Variants in MCPH1 observed in about 807,000 individuals in gnomAD.
MCPH1 encodes the protein microcephalin.
MCPH1 carries 104 observed loss-of-function variants against 84.5 expected under a neutral mutation model. That is an observed-to-expected ratio of 1.23 (90% CI 1.05 to 1.45). The LOEUF (loss-of-function observed/expected upper bound fraction) is 1.45, where lower values mean the gene tolerates loss of function less well. Among genes scored for constraint, MCPH1 ranks in the 40% most tolerant of loss-of-function variants. The probability of loss-of-function intolerance (pLI) is 0.00; values close to 1 mark genes in which losing one functional copy is unlikely to be tolerated. For missense variants in MCPH1, 1,498 were observed against 1,005.7 expected (o/e 1.49, Z -6.62); for synonymous variants, 514 against 366.8 (o/e 1.40, Z -4.58).
chr8:6,438,239 A>G (rs1489794494), intron 5 of MCPH1, among the ~76,000 whole-genome samples: 3 of 152,246 alleles, frequency 2.0e-5, no homozygotes, highest in African/African-American at 4.8e-5. Flanking sequence ...ATGTATCGTA[A>G]TTAAAAACTA....
chr8:6,481,572 C>T (rs1050828438), intron 11 of MCPH1, among the ~76,000 whole-genome samples: 1 of 152,148 alleles, frequency 6.6e-6, no homozygotes, highest in Non-Finnish European at 1.5e-5. Flanking sequence ...CCCTCCTCCT[C>T]TCCCAAGAAT....
chr8:6,607,952 G>T (rs78669375), intron 12 of MCPH1, among the ~76,000 whole-genome samples: 1 of 152,158 alleles, frequency 6.6e-6, no homozygotes, highest in Non-Finnish European at 1.5e-5. Flanking sequence ...ATCCATTCAC[G>T]CCCAAGAAGT....
At chr8:6,455,289 G>A (rs1389136224) in intron 9 of MCPH1, 37 bp downstream of exon 9, 3 of 1,339,054 alleles carry the variant, frequency 2.2e-6, no homozygotes, top group Non-Finnish European at 3.2e-6. Flanking sequence ...ACTTTCAAAT[G>A]CTGATACATC....
At chr8:6,544,753 G>C (rs774988374) in intron 12 of MCPH1, among the ~76,000 whole-genome samples, 7 of 152,174 alleles carry the variant, frequency 4.6e-5, no homozygotes, top group East Asian at 1.9e-4. Context: ...ACAGCATTTA[G>C]AGTTACACTT....
intron 5 of MCPH1, 90 bp downstream of exon 5, chr8:6,436,252 G>C (rs1006400237): frequency 9.7e-6 from 13 of 1,346,038 alleles, no homozygotes; most frequent in African/African-American, 1.5e-5. Context: ...CAGCATGAGA[G>C]AGCTGATGAA....
intron 3 of MCPH1, among the ~76,000 whole-genome samples, chr8:6,423,510 T>A (rs912177992): frequency 6.6e-6 from 1 of 152,194 alleles, no homozygotes; most frequent in African/African-American, 2.4e-5. Context: ...TTTTTGCCTG[T>A]ACATGCAGAT....
At position 6,406,712 on chromosome 8, in the gene MCPH1, C is replaced by T. The variant is rs1051804911; in HGVS notation, c.22+23C>T. 32 of 1,611,120 alleles carry T rather than the reference C, an allele frequency of 2.0e-5. 1 individual carries two copies. The highest frequency in any genetic ancestry group is 3.3e-5 in the South Asian group (3 of 90,736). ...AAGGTGAGGTACTTCCTGCTGCCTGCTCCAGCAGCGGGAGTTTGAGGACCG... is the reference window on the plus strand; with the variant it reads ...AAGGTGAGGTACTTCCTGCTGCCTGTTCCAGCAGCGGGAGTTTGAGGACCG... On this transcript the variant is annotated intron_variant, in intron 1 of 13. Transcript: ENST00000344683.
chr8:6,519,873 T>C, intron 12 of MCPH1: 1 of 1,613,968 alleles, frequency 6.2e-7, no homozygotes, highest in Non-Finnish European at 8.5e-7. Context: ...CCTTGATCTC[T>C]TCTGTAGAAT....
At chr8:6,640,121 CGTGTGT>C (rs760065871) in intron 13 of MCPH1, among the ~76,000 whole-genome samples, 5 of 122,154 alleles carry the variant, frequency 4.1e-5, no homozygotes, top group Non-Finnish European at 8.8e-5. Context: ...TGTGTGTGTG[CGTGTGT>C]GTGTGTGTTT....
intron 3 of MCPH1, among the ~76,000 whole-genome samples, chr8:6,421,673 T>A (rs1189476880): frequency 6.6e-6 from 1 of 152,240 alleles, no homozygotes; most frequent in Non-Finnish European, 1.5e-5. Context: ...AGTGGCTGCC[T>A]CTGTACTACA....
chr8:6,626,957 A>T lies in MCPH1; in HGVS notation c.2452+5266A>T, dbSNP rs533024364. On this transcript the variant is annotated intron_variant, in intron 13 of 13. Transcript: ENST00000344683. The stretch of plus-strand genomic sequence containing the variant: ...CATACATTTATGCTATTGTGGGAAC[A>T]TAATGTAATATTCTCAACAGCATTG... 2.7e-5 allele frequency: 27 copies of T among 984,956 alleles called. 1 individual carries two copies. In the African/African-American group the frequency reaches 3.3e-4, roughly 12 times the overall value. 61.0% of individuals were successfully genotyped at this position (984,956 alleles called of 1,614,324 possible).
intron 13 of MCPH1, chr8:6,627,063 C>A: frequency 2.0e-6 from 2 of 985,190 alleles, no homozygotes; most frequent in Non-Finnish European, 2.4e-6. Flanking sequence ...TGTCCCATGT[C>A]GATGTTTTCA....
intron 12 of MCPH1, among the ~76,000 whole-genome samples, chr8:6,608,221 C>T (rs544852005): frequency 1.3e-5 from 2 of 152,336 alleles, no homozygotes; most frequent in East Asian, 3.9e-4. Flanking sequence ...GAAAACAATG[C>T]CAGGCCTCAC....
At chr8:6,580,933 C>A (rs1827520682) in intron 12 of MCPH1, among the ~76,000 whole-genome samples, 2 of 152,146 alleles carry the variant, frequency 1.3e-5, no homozygotes, top group Admixed American at 1.3e-4. Flanking sequence ...TAGGTTCAAC[C>A]AATCGTGGAC....
At chr8:6,479,423 TA>T (rs1808904300) in intron 10 of MCPH1, among the ~76,000 whole-genome samples, 1 of 147,684 alleles carries the variant, frequency 6.8e-6, no homozygotes, top group Non-Finnish European at 1.5e-5. Context: ...TTTATTTATT[TA>T]TTTATTTATT....
rs188877144 is a variant in MCPH1, at chr8:6,621,237, G to T, written c.2215-217G>T. On this transcript the variant is annotated intron_variant, in intron 12 of 13. Transcript: ENST00000344683. The stretch of plus-strand genomic sequence containing the variant: ...TTTTTTTTTTCTAATTTGTTTCCTT[G>T]GAGTTTTACGCATGGCTACTTCAGA... 21 of 603,950 alleles carry T rather than the reference G, an allele frequency of 3.5e-5. No homozygotes were observed. In the East Asian group the frequency reaches 5.7e-4, roughly 17 times the overall value. The allele number at this position is 603,950 out of a possible 1,614,324, so 37.4% of individuals were successfully genotyped here. A position where few individuals can be genotyped will look rare whatever the true frequency, so the allele number is the denominator to read the frequency against.
rs1424560762 is a variant in MCPH1 at position 6,505,413 on chromosome 8, T to TTC, written c.2214+5485_2214+5486insCT. Among the ~76,000 whole-genome samples, 45 of 81,324 alleles carry TTC rather than the reference T, an allele frequency of 5.5e-4. 16 individuals carry two copies. Among genetic ancestry groups the TTC allele is most frequent in the African/African-American group, 2.0e-3 (42 of 21,458 alleles). The allele number at this position is 81,324 out of a possible 152,430, so 53.4% of individuals were successfully genotyped here. A position where few individuals can be genotyped will look rare whatever the true frequency, so the allele number is the denominator to read the frequency against. On this transcript the variant is annotated intron_variant, in intron 12 of 13. Coordinates refer to ENST00000344683, the MANE Select transcript of MCPH1 (RefSeq NM_024596.5). ...TATGTATATAGAATATATATATTCT[T>TTC]TATATACATAAAGAATATATATATT...
At chr8:6,575,475 A>C (rs935342085) in intron 12 of MCPH1, among the ~76,000 whole-genome samples, 3 of 152,208 alleles carry the variant, frequency 2.0e-5, no homozygotes, top group South Asian at 2.1e-4. Context: ...TGGTCAGTAA[A>C]AAGGTCCTAC....
intron 12 of MCPH1, among the ~76,000 whole-genome samples, chr8:6,527,922 A>C (rs1023922135): frequency 3.1e-4 from 27 of 88,506 alleles, no homozygotes; most frequent in Admixed American, 2.7e-3. Flanking sequence ...TTGAGATGGA[A>C]TCTCGCTCCA....
Sources: gnomAD v4.1 joint callset for allele counts (sites outside exome capture counted in the v4.1 genomes callset) on GRCh38, gnomAD v4.1.1 for gene constraint, MANE v1.5 for transcripts, NCBI Gene and HGNC (gene_info 2026-07-23, HGNC 2026-07-21) for gene names.